The following MZB1 variants were observed in gnomAD, a reference collection of about 807,000 sequenced individuals.
MZB1 encodes the protein marginal zone B and B1 cell specific protein.
MZB1 carries 10 observed loss-of-function variants against 17.2 expected under a neutral mutation model. The ratio of observed to expected loss-of-function variants is 0.58; its 90% CI spans 0.36 to 0.98. The LOEUF is 0.98. Among genes scored for constraint, MZB1 ranks in the 50% least tolerant of loss-of-function variants. The probability of loss-of-function intolerance (pLI) is 0.01; values close to 1 mark genes in which losing one functional copy is unlikely to be tolerated. For missense variants in MZB1, 246 were observed against 237.5 expected, an observed-to-expected ratio of 1.04 and a Z score of -0.23; for synonymous variants, 99 against 98.7, an observed-to-expected ratio of 1.00 and a Z score of -0.02.
chr5:139,388,941 G>C, intron 1 of MZB1: 1 of 210,888 alleles, frequency 4.7e-6, no homozygotes. Context: ...TACGATCTCA[G>C]CTCACTGCAG....
chr5:139,387,726 C>G lies in MZB1; in HGVS notation c.*39G>C. On this transcript the variant is annotated 3_prime_UTR_variant, in exon 4 of 4. Transcript: ENST00000302125. Reference sequence around the variant, plus strand: ...CAGACGGGAGTGGAGACCGTCAGAGCAAGCCCCAGCTTCTTTCAGAGGAGG... The same window carrying G: ...CAGACGGGAGTGGAGACCGTCAGAGGAAGCCCCAGCTTCTTTCAGAGGAGG... The G allele has an allele frequency of 6.7e-7, 1 of 1,487,964 alleles. No homozygotes were observed. Among genetic ancestry groups the G allele is most frequent in the Non-Finnish European group, 8.9e-7 (1 of 1,123,258 alleles). The allele number at this position is 1,487,964 out of a possible 1,614,324, so 92.2% of individuals were successfully genotyped here. A position where few individuals can be genotyped will look rare whatever the true frequency, so the allele number is the denominator to read the frequency against.
At position 139,387,545 on chromosome 5, in the gene MZB1, G is replaced by A. The variant is rs533779808; in HGVS notation, c.*220C>T. 1.1e-4 allele frequency: 43 copies of A among 374,692 alleles called. No homozygotes were observed. Among genetic ancestry groups the A allele is most frequent in the African/African-American group, 8.7e-4 (41 of 47,264 alleles). The allele number at this position is 374,692 out of a possible 1,614,324, so 23.2% of individuals were successfully genotyped here. ...AATGTCTGCACTCCCAGCCCCACAAGCACCTTTTGCAGAGAAAAGAAGTGA... is the reference window on the plus strand; with the variant it reads ...AATGTCTGCACTCCCAGCCCCACAAACACCTTTTGCAGAGAAAAGAAGTGA... On this transcript the variant is annotated 3_prime_UTR_variant, in exon 4 of 4. Transcript: ENST00000302125.
intron 1 of MZB1, 42 bp from the exon 2 acceptor site, chr5:139,388,627 T>C: frequency 6.3e-7 from 1 of 1,595,790 alleles, no homozygotes; most frequent in East Asian, 2.3e-5. Context: ...TCAGGACTGC[T>C]GCTCAGTTAG....
At chr5:139,388,281 C>G in intron 2 of MZB1, 150 bp from the exon 3 acceptor site, 1 of 1,055,130 alleles carries the variant, frequency 9.5e-7, no homozygotes, top group Non-Finnish European at 1.4e-6. Flanking sequence ...ACCTTGTCCA[C>G]TGGCCCTCTG....
Position 139,388,130 on chromosome 5 carries a change from A to G in MZB1, c.304T>C (p.Tyr102His). The G allele has an allele frequency of 1.9e-6, 3 of 1,550,324 alleles. No homozygotes were observed. The highest frequency in any genetic ancestry group is 8.7e-7 in the Non-Finnish European group (1 of 1,146,952). ...ACTTGGTCCACTTCTCGAACTCCGT[A>G]GCTGGTGGCAGTGGAGAGGAGAGGA... is the stretch of plus-strand genomic sequence containing the variant. ...DRSCSRNWQD[Y>H]GVREVDQVKR... Residue 102 changes from tyrosine to histidine, a missense_variant and splice_region_variant, in exon 3 of 4, where the codon TAC (tyrosine) becomes CAC (histidine). Transcript: ENST00000302125.
intron 2 of MZB1, 38 bp downstream of exon 2, chr5:139,388,423 T>A: frequency 2.0e-6 from 3 of 1,480,278 alleles, no homozygotes; most frequent in Non-Finnish European, 2.7e-6. Flanking sequence ...AGGCCTGCCC[T>A]TGGAGGAGGG....
chr5:139,389,126 C>T (rs1478832467), intron 1 of MZB1: 1 of 258,296 alleles, frequency 3.9e-6, no homozygotes, highest in Non-Finnish European at 7.8e-6. Flanking sequence ...CCCCGCTCAG[C>T]CTCCCAAAGT....
intron 2 of MZB1, 145 bp downstream of exon 2, chr5:139,388,316 G>A: frequency 8.9e-7 from 1 of 1,120,074 alleles, no homozygotes; most frequent in Non-Finnish European, 1.3e-6. Context: ...CTCAGCTCCA[G>A]AGCCCAGACT....
Position 139,387,751 on chromosome 5 carries a change from G to C in MZB1, c.*14C>G. 3 of 1,514,254 alleles carry C rather than the reference G, an allele frequency of 2.0e-6. No homozygotes were observed. Among genetic ancestry groups the C allele is most frequent in the Non-Finnish European group, 2.6e-6 (3 of 1,138,536 alleles). 93.8% of individuals were successfully genotyped at this position (1,514,254 alleles called of 1,614,324 possible). On this transcript the variant is annotated 3_prime_UTR_variant, in exon 4 of 4. Transcript: ENST00000302125. Reference sequence around the variant, plus strand: ...CAAGCCCCAGCTTCTTTCAGAGGAGGGTAGAGTCCAGGACTAGAGCTCTTC... The same window carrying C: ...CAAGCCCCAGCTTCTTTCAGAGGAGCGTAGAGTCCAGGACTAGAGCTCTTC...
At chr5:139,389,570 A>C in intron 1 of MZB1, 110 bp downstream of exon 1, 1 of 1,280,978 alleles carries the variant, frequency 7.8e-7, no homozygotes, top group Non-Finnish European at 1.1e-6. Flanking sequence ...CTTGATGCCC[A>C]GTGGTAGGGA....
Position 139,388,010 on chromosome 5 carries a change from C to A in MZB1, c.413+11G>T. The A allele has an allele frequency of 6.4e-7, 1 of 1,564,512 alleles. No individual in the cohort carries two copies. Among genetic ancestry groups the A allele is most frequent in the South Asian group, 1.2e-5 (1 of 85,554 alleles). On this transcript the variant is annotated intron_variant, in intron 3 of 3. Transcript: ENST00000302125. ...AGGAGCTTCATCCTATCCCCAAGCC[C>A]CGGGCATCACCTGGTAGGCCAGGGG... is the stretch of plus-strand genomic sequence containing the variant.
In MZB1 at chr5:139,387,494, T is replaced by C. The variant is rs1000888807; in HGVS notation, c.*271A>G. 6 of 296,626 alleles carry C rather than the reference T, an allele frequency of 2.0e-5. No individual in the cohort carries two copies. Among genetic ancestry groups the C allele is most frequent in the East Asian group, 5.5e-5 (1 of 18,112 alleles). 18.4% of individuals were successfully genotyped at this position (296,626 alleles called of 1,614,324 possible). A position where few individuals can be genotyped will look rare whatever the true frequency, so the allele number is the denominator to read the frequency against. ...GATTTTGAGAGTTTTTTTTTTTTTT[T>C]CACAAGGGACATCAGCAGAAACACC... is the stretch of plus-strand genomic sequence containing the variant. On this transcript the variant is annotated 3_prime_UTR_variant, in exon 4 of 4. Transcript: ENST00000302125.
At chr5:139,389,252 C>T (rs1261797504) in intron 1 of MZB1, 7 of 351,680 alleles carry the variant, frequency 2.0e-5, no homozygotes, top group South Asian at 8.7e-5. Flanking sequence ...CTCCCAGGCC[C>T]CCACCTCACA....
rs200793536 is a variant in MZB1, at chr5:139,388,485, C to T, written c.278G>A (p.Arg93Gln). The change falls in exon 2 of 4, where the codon CGG becomes CAG. Residue 93 changes from arginine to glutamine, a missense_variant. Coordinates refer to ENST00000302125, the MANE Select transcript of MZB1 (RefSeq NM_016459.4). ...SELVYTDVLD[R>Q]SCSRNWQDYG... ...CTCCTGCCAGTTCCGGGAGCAGCTC[C>T]GGTCCAGGACATCCGTGTAGACCAA... 1.0e-3 allele frequency: 1,607 copies of T among 1,605,180 alleles called. 2 individuals carry two copies. Among genetic ancestry groups the T allele is most frequent in the East Asian group, 2.9e-3 (129 of 44,512 alleles).
chr5:139,388,736 TC>T, intron 1 of MZB1, 151 bp from the exon 2 acceptor site: 2 of 1,290,984 alleles, frequency 1.5e-6, no homozygotes, highest in Non-Finnish European at 2.1e-6. Flanking sequence ...GCATGGCCCC[TC>T]CCCCAGCCCC....
In MZB1 at chr5:139,388,476, G is replaced by A. The variant is rs1368627012; in HGVS notation, c.287C>T (p.Ser96Phe). Residue 96 changes from serine (S) to phenylalanine (F), a missense_variant, in exon 2 of 4, where the codon TCC (serine) becomes TTC (phenylalanine). Coordinates refer to ENST00000302125, the MANE Select transcript of MZB1 (RefSeq NM_016459.4). The stretch of plus-strand genomic sequence containing the variant: ...GGCAACTCACTCCTGCCAGTTCCGG[G>A]AGCAGCTCCGGTCCAGGACATCCGT... Reference protein sequence around the residue: ...VYTDVLDRSCSRNWQDYGVRE... With the variant: ...VYTDVLDRSCFRNWQDYGVRE... 1 of 1,604,706 alleles carries A rather than the reference G, an allele frequency of 6.2e-7. No individual in the cohort carries two copies.
rs1758535820 is a variant in MZB1, at chr5:139,387,587, T to C, written c.*178A>G. On this transcript the variant is annotated 3_prime_UTR_variant, in exon 4 of 4. Transcript: ENST00000302125. ...AAGAAGTGAGGTCACTGGGTTTTAT[T>C]TGAGTCCAGAGGGGAAGGCGTTGAC... is the stretch of plus-strand genomic sequence containing the variant. The C allele has an allele frequency of 1.7e-6, 1 of 574,280 alleles. No homozygotes were observed. The highest frequency in any genetic ancestry group is 2.7e-6 in the Non-Finnish European group (1 of 375,446). 35.6% of individuals were successfully genotyped at this position (574,280 alleles called of 1,614,324 possible).
Position 139,389,702 on chromosome 5 carries a change from G to A in MZB1, c.155C>T (p.Ala52Val). The change falls in exon 1 of 4, where the codon GCC becomes GTC. Residue 52 changes from alanine (A) to valine (V), a missense_variant. By Grantham distance (64) the Ala-to-Val change is moderately conservative (BLOSUM62 0). Coordinates refer to ENST00000302125, the MANE Select transcript of MZB1 (RefSeq NM_016459.4). ...AHMPAHLRCD[A>V]CRAVAYQMWQ... ...CACCTGGTAAGCCACAGCTCTGCAG[G>A]CATCACAGCGCAGGTGAGCGGGCAT... The A allele has an allele frequency of 6.3e-7, 1 of 1,586,276 alleles. No individual in the cohort carries two copies. Among genetic ancestry groups the A allele is most frequent in the Non-Finnish European group, 8.6e-7 (1 of 1,166,602 alleles).
Position 139,387,606 on chromosome 5 carries a change from C to T in MZB1, c.*159G>A, listed in dbSNP as rs373466925. 11 of 740,870 alleles carry T rather than the reference C, an allele frequency of 1.5e-5. No homozygotes were observed. Among genetic ancestry groups the T allele is most frequent in the East Asian group, 3.2e-5 (1 of 31,554 alleles). 45.9% of individuals were successfully genotyped at this position (740,870 alleles called of 1,614,324 possible). ...TTTTATTTGAGTCCAGAGGGGAAGG[C>T]GTTGACTCCCACCCAGGCCCGAGTG... is the stretch of plus-strand genomic sequence containing the variant. On this transcript the variant is annotated 3_prime_UTR_variant, in exon 4 of 4. Transcript: ENST00000302125.
Sources: gnomAD v4.1 joint callset for allele counts on GRCh38, gnomAD v4.1.1 for gene constraint, MANE v1.5 for transcripts, NCBI Gene and HGNC (gene_info 2026-07-23, HGNC 2026-07-21) for gene names.